C12orf56: variants seen among roughly 807,000 people sequenced by gnomAD.
C12orf56 encodes the protein uncharacterized protein C12orf56.
A neutral mutation model predicts 69.9 loss-of-function variants in C12orf56; 71 were observed. That is an observed-to-expected ratio of 1.02 (90% CI 0.84 to 1.24). The LOEUF (loss-of-function observed/expected upper bound fraction) is 1.24. Ranked by LOEUF, C12orf56 falls within the 50% of genes most tolerant of loss-of-function variation. The pLI is 0.00. For synonymous variants in C12orf56, 276 were observed against 274.1 expected (o/e 1.01, Z -0.07); for missense variants, 732 against 738.5 (o/e 0.99, Z 0.10).
At chr12:64,270,255 GC>G (rs1419149484) in intron 12 of C12orf56, among the ~76,000 whole-genome samples, 18 of 151,918 alleles carry the variant, frequency 1.2e-4, no homozygotes, top group African/African-American at 4.4e-4. Flanking sequence ...AAAAAAATTA[GC>G]CAGGCATGGT....
intron 6 of C12orf56, among the ~76,000 whole-genome samples, chr12:64,296,870 CT>C (rs71092950): frequency 0.9 from 118,192 of 131,156 alleles, 53,810 homozygotes; most frequent in East Asian, 0.98. Flanking sequence ...CCCTTCCACC[CT>C]TTTTTTTTTT....
chr12:64,374,958 G>T (rs1011529214), intron 1 of C12orf56, among the ~76,000 whole-genome samples: 1 of 152,076 alleles, frequency 6.6e-6, no homozygotes, highest in African/African-American at 2.4e-5. Flanking sequence ...GTTTGATATT[G>T]GAATACGTTC....
intron 3 of C12orf56, 43 bp from the exon 4 acceptor site, chr12:64,319,023 CACAGTAAGCA>C: frequency 7.1e-7 from 1 of 1,411,268 alleles, no homozygotes; most frequent in Non-Finnish European, 9.3e-7. Context: ...TGCAAAATTT[CACAGTAAGCA>C]ACAAAGAGAA....
At chr12:64,302,221 A>G (rs1490030548) in intron 6 of C12orf56, among the ~76,000 whole-genome samples, 1 of 152,226 alleles carries the variant, frequency 6.6e-6, no homozygotes, top group African/African-American at 2.4e-5. Context: ...GGATCCATCC[A>G]GTACCAACCA....
At chr12:64,338,151 C>G in intron 2 of C12orf56, 1 of 555,938 alleles carries the variant, frequency 1.8e-6, no homozygotes. Flanking sequence ...GAGCTGAGGA[C>G]GAGCTCCACC....
At chr12:64,353,443 C>A (rs1168339532) in intron 1 of C12orf56, among the ~76,000 whole-genome samples, 2 of 152,062 alleles carry the variant, frequency 1.3e-5, no homozygotes, top group Admixed American at 6.6e-5. Flanking sequence ...AGGCATAAGC[C>A]ACCGCAAAGT....
intron 11 of C12orf56, 30 bp downstream of exon 11, chr12:64,274,871 G>T (rs370660937): frequency 1.2e-5 from 18 of 1,524,858 alleles, no homozygotes; most frequent in East Asian, 2.3e-5. Context: ...AGGCTTGGGG[G>T]TGATTTCGTT....
intron 2 of C12orf56, among the ~76,000 whole-genome samples, chr12:64,343,158 C>T (rs1372142923): frequency 6.6e-6 from 1 of 152,162 alleles, no homozygotes; most frequent in East Asian, 1.9e-4. Context: ...TATCCTTCAC[C>T]TTAGAAGGAA....
intron 2 of C12orf56, among the ~76,000 whole-genome samples, chr12:64,349,441 G>C (rs1479805031): frequency 6.6e-6 from 1 of 152,152 alleles, no homozygotes; most frequent in African/African-American, 2.4e-5. Flanking sequence ...AGCAACTATG[G>C]AAAACTGTGG....
At chr12:64,298,059 C>A (rs577068145) in intron 6 of C12orf56, among the ~76,000 whole-genome samples, 2 of 152,268 alleles carry the variant, frequency 1.3e-5, no homozygotes, top group East Asian at 3.9e-4. Flanking sequence ...TGTTTCCTGA[C>A]TTTTTAATGA....
intron 5 of C12orf56, among the ~76,000 whole-genome samples, chr12:64,303,984 T>C (rs1302904905): frequency 2.0e-5 from 3 of 152,200 alleles, no homozygotes; most frequent in Admixed American, 6.6e-5. Flanking sequence ...CATACTTTTT[T>C]GCCCGTGCCC....
chr12:64,284,487 C>G (rs1036139370), intron 8 of C12orf56, among the ~76,000 whole-genome samples, 177 bp downstream of exon 8: 10 of 152,152 alleles, frequency 6.6e-5, no homozygotes, highest in Admixed American at 2.0e-4. Flanking sequence ...AGAGAGAACT[C>G]GGCCTGTGCC....
At chr12:64,346,728 T>C (rs1234931208) in intron 2 of C12orf56, among the ~76,000 whole-genome samples, 1 of 152,110 alleles carries the variant, frequency 6.6e-6, no homozygotes, top group Admixed American at 6.6e-5. Context: ...CCTGAAGCTA[T>C]CTAGAGGCCC....
Position 64,329,471 on chromosome 12 carries a change from G to A in C12orf56, c.488+1489C>T, listed in dbSNP as rs545411859. Among the ~76,000 whole-genome samples the A allele has an allele frequency of 1.3e-3, 189 of 150,780 alleles. 1 individual carries two copies. Among genetic ancestry groups the A allele is most frequent in the African/African-American group, 4.2e-3 (173 of 40,974 alleles). ...TCAATCCATTTTAAGCACAATCGTC[G>A]GATTATTTTTCTGTAGTAATGGTTT... On this transcript the variant is annotated intron_variant, in intron 3 of 12. Transcript: ENST00000543942.
At chr12:64,351,142 G>T in intron 2 of C12orf56, among the ~76,000 whole-genome samples, 1 of 152,120 alleles carries the variant, frequency 6.6e-6, no homozygotes, top group East Asian at 1.9e-4. Flanking sequence ...TGCCATTTGG[G>T]AAAATAAGGC....
intron 8 of C12orf56, among the ~76,000 whole-genome samples, chr12:64,281,165 CAGG>C (rs1007089442): frequency 1.6e-4 from 24 of 151,908 alleles, no homozygotes; most frequent in Non-Finnish European, 3.5e-4. Flanking sequence ...CCCAGCTATT[CAGG>C]AGGCTGAGGC....
chr12:64,284,605 A>T, intron 8 of C12orf56, 59 bp downstream of exon 8: 2 of 1,245,980 alleles, frequency 1.6e-6, no homozygotes, highest in Non-Finnish European at 2.3e-6. Context: ...GAAGACACTT[A>T]ATAAGAATAG....
chr12:64,386,398 A>ATATATATTTTT (rs752756817), intron 1 of C12orf56, among the ~76,000 whole-genome samples: 1 of 87,344 alleles, frequency 1.1e-5, no homozygotes, highest in African/African-American at 5.0e-5. Context: ...ATATATATAT[A>ATATATATTTTT]TTTTTTTTTT....
At chr12:64,388,250 TTTTG>T (rs1323948504) in intron 1 of C12orf56, among the ~76,000 whole-genome samples, 1 of 148,734 alleles carries the variant, frequency 6.7e-6, no homozygotes, top group East Asian at 2.0e-4. Context: ...TTTTAAAGTG[TTTTG>T]TTTGTTTGTT....
Sources: gnomAD v4.1 joint callset for allele counts (sites outside exome capture counted in the v4.1 genomes callset) on GRCh38, gnomAD v4.1.1 for gene constraint, MANE v1.5 for transcripts, NCBI Gene and HGNC (gene_info 2026-07-23, HGNC 2026-07-21) for gene names.